KANSL3: variants seen among roughly 807,000 people sequenced by gnomAD.
KANSL3 encodes the protein NSL complex protein NSL3.
KANSL3 carries 16 observed loss-of-function variants against 89.2 expected under a neutral mutation model. The ratio of observed to expected loss-of-function variants is 0.18; its 90% CI spans 0.12 to 0.27. KANSL3 has a LOEUF of 0.27. Ranked by LOEUF, KANSL3 falls within the 10% of genes least tolerant of loss-of-function variation. The pLI, the probability that KANSL3 is intolerant of heterozygous loss-of-function variation, is 1.00. For missense variants in KANSL3, 879 were observed against 1,110.6 expected, an observed-to-expected ratio of 0.79 and a Z score of 2.96; for synonymous variants, 385 against 419.7, an observed-to-expected ratio of 0.92 and a Z score of 1.01.
intron 13 of KANSL3, 92 bp from the exon 14 acceptor site, chr2:96,608,756 C>T: frequency 5.7e-6 from 9 of 1,565,990 alleles, no homozygotes; most frequent in Non-Finnish European, 7.8e-6. Context: ...CTTGTAGGAA[C>T]TCACAGGCCC....
chr2:96,605,211 A>G, intron 15 of KANSL3, 109 bp downstream of exon 15: 2 of 947,174 alleles, frequency 2.1e-6, no homozygotes, highest in Non-Finnish European at 3.2e-6. Context: ...TGCTCCGGGC[A>G]TCTCTCAAAA....
At chr2:96,608,462 C>T in intron 14 of KANSL3, 46 bp downstream of exon 14, 1 of 1,603,168 alleles carries the variant, frequency 6.2e-7, no homozygotes, top group South Asian at 1.1e-5. Flanking sequence ...GTGACATGAA[C>T]TACAGAAGAC....
rs75200962 is a variant in KANSL3, at chr2:96,622,436, G to A, written c.387-2674C>T. Among the ~76,000 whole-genome samples, 29 of 151,070 alleles carry A rather than the reference G, an allele frequency of 1.9e-4. 1 individual carries two copies. The East Asian group carries it at 5.4e-3, about 28-fold the overall frequency. ...AAAAAAAAAAAAAGAACCAACAAAT[G>A]CAAATTAATAAAGTATTATTTTTCA... On this transcript the variant is annotated intron_variant, in intron 3 of 20. Transcript: ENST00000431828.
intron 14 of KANSL3, among the ~76,000 whole-genome samples, chr2:96,608,145 G>A (rs1384289532): frequency 6.6e-6 from 1 of 152,172 alleles, no homozygotes; most frequent in Non-Finnish European, 1.5e-5. Flanking sequence ...ATGATGCCAG[G>A]TGAGTTACCC....
At chr2:96,604,628 C>A in intron 16 of KANSL3, 151 bp downstream of exon 16, 1 of 825,876 alleles carries the variant, frequency 1.2e-6, no homozygotes, top group African/African-American at 1.7e-5. Context: ...TGGGTTGACT[C>A]AAAAGCAAGA....
At chr2:96,631,921 C>G (rs903472642) in intron 2 of KANSL3, among the ~76,000 whole-genome samples, 3 of 152,018 alleles carry the variant, frequency 2.0e-5, no homozygotes, top group Non-Finnish European at 4.4e-5. Flanking sequence ...TGGCACACAC[C>G]TGTGATCCCA....
chr2:96,601,009 A>T (rs1573290890), intron 20 of KANSL3: 1 of 544,108 alleles, frequency 1.8e-6, no homozygotes, highest in African/African-American at 2.1e-5. Flanking sequence ...AGAAAGGGCC[A>T]GGAGCGGTGG....
chr2:96,591,124 C>T (rs2066267539), downstream of KANSL3, among the ~76,000 whole-genome samples: 1 of 152,214 alleles, frequency 6.6e-6, no homozygotes, highest in Non-Finnish European at 1.5e-5. Context: ...GTTACACAAA[C>T]TGTGCTAAAC....
Position 96,619,708 on chromosome 2 carries a change from C to T in KANSL3, c.441G>A (p.Leu147=), listed in dbSNP as rs925453828. 4 of 1,564,572 alleles carry T rather than the reference C, an allele frequency of 2.6e-6. No homozygotes were observed. The highest frequency in any genetic ancestry group is 3.8e-5 in the Admixed American group (2 of 52,276). Residue 147 remains leucine (L), a synonymous_variant, in exon 4 of 21, where the codon CTG becomes CTA. Coordinates refer to ENST00000431828, the MANE Select transcript of KANSL3 (RefSeq NM_001115016.3). ...CCAAGCGGGCAAGCCGGTCAGACTGCAGGGCTTTGAGGATCTTGTTGAATA... is the reference window on the plus strand; with the variant it reads ...CCAAGCGGGCAAGCCGGTCAGACTGTAGGGCTTTGAGGATCTTGTTGAATA... ...NKLFNKILKA[L]QSDRLARLAN...
intron 3 of KANSL3, among the ~76,000 whole-genome samples, chr2:96,622,775 C>A (rs116098247): frequency 0.018 from 2,699 of 152,294 alleles, 29 homozygotes; most frequent in Admixed American, 0.036. Flanking sequence ...CTCACAGCAC[C>A]CTCTACTCCC....
intron 20 of KANSL3, chr2:96,598,235 AAC>A (rs2066732024): frequency 1.6e-6 from 1 of 616,930 alleles, no homozygotes; most frequent in Non-Finnish European, 2.0e-6. Flanking sequence ...TGTACTATAA[AAC>A]TGTTTTAGAG....
In KANSL3 at chr2:96,601,721, G is replaced by C; in HGVS notation, c.2538C>G (p.Ile846Met). 6.2e-7 allele frequency: 1 copy of C among 1,605,878 alleles called. No individual in the cohort carries two copies. Residue 846 changes from isoleucine to methionine, a missense_variant, in exon 20 of 21, where the codon ATC becomes ATG. Physicochemically the swap from Ile to Met is conservative, Grantham distance 10. Around this residue, in one of 6 missense-constraint regions of KANSL3, gnomAD observed 61 missense variants for 61.7 expected, o/e 0.99. Coordinates refer to ENST00000431828, the MANE Select transcript of KANSL3 (RefSeq NM_001115016.3). ...TLTLRGQPSR[I>M]TTLSPMGSGA... ...CTGAGCCCATAGGGCTCAGTGTAGTGATCCTGCTCGGCTGGCCACGAAGTG... is the reference window on the plus strand; with the variant it reads ...CTGAGCCCATAGGGCTCAGTGTAGTCATCCTGCTCGGCTGGCCACGAAGTG...
chr2:96,631,864 T>C (rs1011710805), intron 2 of KANSL3, among the ~76,000 whole-genome samples: 1 of 151,744 alleles, frequency 6.6e-6, no homozygotes, highest in Non-Finnish European at 1.5e-5. Flanking sequence ...CTGGGCAACA[T>C]GAGGAAACCC....
chr2:96,608,240 G>A (rs964784344), intron 14 of KANSL3, among the ~76,000 whole-genome samples: 1 of 152,130 alleles, frequency 6.6e-6, no homozygotes, highest in African/African-American at 2.4e-5. Context: ...GTAGAAAAAA[G>A]TTTAGGCCAA....
rs867836407 is a variant in KANSL3, at chr2:96,609,046, G to C, written c.1402C>G (p.Leu468Val). 1.9e-6 allele frequency: 3 copies of C among 1,560,450 alleles called. No homozygotes were observed. The highest frequency in any genetic ancestry group is 2.6e-6 in the Non-Finnish European group (3 of 1,152,050). ...RCIQDEIVDF[L>V]TGVLTRAEGH... ...TCAGCACGAGTGAGCACTCCAGTCA[G>C]AAAGTCCACAATCTCATCCTAGTGT... The change falls in exon 13 of 21, where the codon CTG becomes GTG. Residue 468 changes from leucine (L) to valine (V), a missense_variant. Leu to Val is a conservative substitution (Grantham distance 32). This residue lies in a region of KANSL3 where 317 missense variants were observed against 311.2 expected (regional missense o/e 1.02). Coordinates refer to ENST00000431828, the MANE Select transcript of KANSL3 (RefSeq NM_001115016.3).
chr2:96,591,210 A>G (rs1273350829), downstream of KANSL3, among the ~76,000 whole-genome samples: 1 of 152,260 alleles, frequency 6.6e-6, no homozygotes, highest in Non-Finnish European at 1.5e-5. Flanking sequence ...ATGTGTATCA[A>G]GGAAATGATA....
the KANSL3 span, among the ~76,000 whole-genome samples, chr2:96,584,532 T>C: frequency 1.3e-5 from 2 of 152,198 alleles, no homozygotes; most frequent in South Asian, 2.1e-4. Context: ...AGTCAGCCTA[T>C]AGTGTTATAG....
chr2:96,590,553 T>A (rs1188879734), downstream of KANSL3, among the ~76,000 whole-genome samples: 1 of 152,042 alleles, frequency 6.6e-6, no homozygotes, highest in Admixed American at 6.5e-5. Flanking sequence ...CCTCCCAAAG[T>A]GCTGGGATTA....
the KANSL3 span, among the ~76,000 whole-genome samples, chr2:96,581,091 G>A: frequency 6.6e-6 from 1 of 152,216 alleles, no homozygotes; most frequent in African/African-American, 2.4e-5. Flanking sequence ...TGCCTGAGAA[G>A]AGAGCCCCAA....
Sources: allele counts gnomAD v4.1 joint callset (sites outside exome capture counted in the v4.1 genomes callset), GRCh38; gene constraint gnomAD v4.1.1; regional missense constraint gnomAD v4.1.1; transcripts MANE v1.5; gene names NCBI Gene and HGNC (gene_info 2026-07-23, HGNC 2026-07-21).